Variants in ADCY9 observed in about 807,000 individuals in gnomAD.
ADCY9 encodes adenylate cyclase 9, also known as adenylate cyclase type 9.
In ADCY9, 50 loss-of-function variants were observed where a neutral mutation model predicts 101.5. The observed-to-expected ratio is 0.49, with a 90% confidence interval of 0.39 to 0.62. The LOEUF is 0.62. Among genes scored for constraint, ADCY9 ranks in the 20% least tolerant of loss-of-function variants. The pLI, the probability that ADCY9 is intolerant of heterozygous loss-of-function variation, is 0.00. For missense variants in ADCY9, 1,662 were observed against 1,800.4 expected, an observed-to-expected ratio of 0.92 and a Z score of 1.39; for synonymous variants, 905 against 769.3, an observed-to-expected ratio of 1.18 and a Z score of -2.92.
intron 2 of ADCY9, among the ~76,000 whole-genome samples, chr16:4,058,746 T>A (rs1031973642): frequency 6.6e-6 from 1 of 152,142 alleles, no homozygotes; most frequent in African/African-American, 2.4e-5. Flanking sequence ...GCAGCGGAAC[T>A]GAGTCCACCG....
chr16:4,007,316 C>A (rs2056372830), intron 3 of ADCY9, 52 bp downstream of exon 3: 1 of 1,448,926 alleles, frequency 6.9e-7, no homozygotes, highest in Non-Finnish European at 9.1e-7. Flanking sequence ...TGCTCTACTG[C>A]AGAATTAATA....
chr16:4,002,845 G>A (rs1263213054), intron 3 of ADCY9, among the ~76,000 whole-genome samples: 1 of 152,250 alleles, frequency 6.6e-6, no homozygotes, highest in East Asian at 1.9e-4. Context: ...CTCCTGAGTG[G>A]CTTAGGACTA....
chr16:3,953,658 T>A (rs988517248), intron 5 of ADCY9: 3 of 152,132 alleles, frequency 2.0e-5, no homozygotes, highest in Non-Finnish European at 4.4e-5. Context: ...CTTTAACACC[T>A]GTGGATTTCC....
At position 4,067,475 on chromosome 16, in the gene ADCY9, A is replaced by G. The variant is rs545369321; in HGVS notation, c.1693+46275T>C. Among the ~76,000 whole-genome samples the G allele has an allele frequency of 6.0e-4, 92 of 152,254 alleles. 1 individual carries two copies. The South Asian group carries it at 0.019, about 31-fold the overall frequency. ...CACCACAACTCCACTCCAGACCAAG[A>G]TGGGTCTGGGTCAAACCCAGGACTT... On this transcript the variant is annotated intron_variant, in intron 2 of 10. Transcript: ENST00000294016.
chr16:4,078,798 A>G (rs2056884402), intron 2 of ADCY9, among the ~76,000 whole-genome samples: 1 of 152,192 alleles, frequency 6.6e-6, no homozygotes, highest in Admixed American at 6.5e-5. Context: ...TATGGAAGAC[A>G]AAGATTTAAG....
rs139835983 is a variant in ADCY9, at chr16:4,114,555, G to A, written c.888C>T (p.Val296=). 15 of 1,613,988 alleles carry A rather than the reference G, an allele frequency of 9.3e-6. No individual in the cohort carries two copies. Among genetic ancestry groups the A allele is most frequent in the Non-Finnish European group, 1.3e-5 (15 of 1,180,038 alleles). Residue 296 remains valine (V), a synonymous_variant, in exon 2 of 11, where the codon GTC becomes GTT. Transcript: ENST00000294016. The surrounding 1 kb of genome is among the most constrained non-coding windows in gnomAD (Gnocchi z 4.3). ...TCACCTGGGACATGACGAACAGGTGGACCCCGATGGCGTGGATGCAGCCGT... is the reference window on the plus strand; with the variant it reads ...TCACCTGGGACATGACGAACAGGTGAACCCCGATGGCGTGGATGCAGCCGT... ...LLHGCIHAIG[V]HLFVMSQVRS...
chr16:3,971,245 C>G (rs1235151339), intron 10 of ADCY9, among the ~76,000 whole-genome samples: 1 of 152,130 alleles, frequency 6.6e-6, no homozygotes, highest in Non-Finnish European at 1.5e-5. Flanking sequence ...AAGCCCATCC[C>G]GTGTGACTCT....
intron 3 of ADCY9, among the ~76,000 whole-genome samples, 173 bp from the exon 4 acceptor site, chr16:3,993,683 A>C (rs1316568169): frequency 6.6e-6 from 1 of 152,206 alleles, no homozygotes; most frequent in Non-Finnish European, 1.5e-5. Flanking sequence ...GTGACAGTGG[A>C]AACACACAGA....
rs779438858 is a variant in ADCY9, at chr16:3,989,054, G to A, written c.2250C>T (p.Phe750=). 5 of 1,614,054 alleles carry A rather than the reference G, an allele frequency of 3.1e-6. No individual in the cohort carries two copies. Among genetic ancestry groups the A allele is most frequent in the Non-Finnish European group, 4.2e-6 (5 of 1,180,014 alleles). The change falls in exon 6 of 11, where the codon TTC becomes TTT. Residue 750 remains phenylalanine (F), a synonymous_variant. Transcript: ENST00000294016. ...GCTCCTGATCCAGGAAGTTCAGGCT[G>A]AACTGATTAATGGGCGGCTTAAAAA... is the stretch of plus-strand genomic sequence containing the variant. The part of the protein sequence containing the change: ...DYFFKPPINQ[F]SLNFLDQELE...
intron 2 of ADCY9, among the ~76,000 whole-genome samples, chr16:4,020,395 G>C (rs1369716885): frequency 6.6e-6 from 1 of 152,102 alleles, no homozygotes; most frequent in Non-Finnish European, 1.5e-5. Flanking sequence ...ACTACTAAAA[G>C]AAAATGGGTG....
rs1352924706 is a variant in ADCY9, at chr16:3,965,916, G to C, written c.3921C>G (p.Ser1307=). The C allele has an allele frequency of 1.2e-6, 2 of 1,614,052 alleles. No individual in the cohort carries two copies. Among genetic ancestry groups the C allele is most frequent in the Non-Finnish European group, 1.7e-6 (2 of 1,180,042 alleles). Residue 1307 remains serine (S), a synonymous_variant, in exon 11 of 11, where the codon TCC becomes TCG. Transcript: ENST00000294016. The stretch of plus-strand genomic sequence containing the variant: ...CGGGCTCCTTCCACGGTCTCTTGGG[G>C]GACAGGTGGGCATCCTTGGCCTGCG... ...SSTQAKDAHL[S]PKRPWKEPVK...
At chr16:3,969,670 A>G (rs2056034512) in intron 10 of ADCY9, among the ~76,000 whole-genome samples, 2 of 137,400 alleles carry the variant, frequency 1.5e-5, no homozygotes, top group Admixed American at 1.6e-4. Context: ...GCTGGACTGC[A>G]GTGGTGCGAT....
Position 3,965,892 on chromosome 16 carries a change from G to A in ADCY9, c.3945C>T (p.Pro1315=), listed in dbSNP as rs753965030. Residue 1315 remains proline (P), a synonymous_variant, in exon 11 of 11, where the codon CCC becomes CCT. Transcript: ENST00000294016. Reference sequence around the variant, plus strand: ...ATCGACCCCTTTCTTCGGCTTTGACGGGCTCCTTCCACGGTCTCTTGGGGG... The same window carrying A: ...ATCGACCCCTTTCTTCGGCTTTGACAGGCTCCTTCCACGGTCTCTTGGGGG... ...HLSPKRPWKE[P]VKAEERGRFG... is the part of the protein sequence containing the mutation. 43 of 1,614,004 alleles carry A rather than the reference G, an allele frequency of 2.7e-5. No individual in the cohort carries two copies. The highest frequency in any genetic ancestry group is 1.6e-4 in the Middle Eastern group (1 of 6,084).
Position 4,113,330 on chromosome 16 carries a change from G to A in ADCY9, c.1693+420C>T, listed in dbSNP as rs974240783. Reference sequence around the variant, plus strand: ...AGAGGAGAAAGATTTTATTCTCCACGTTTTCGCAAAAAGGGCAGAGAGAAA... The same window carrying A: ...AGAGGAGAAAGATTTTATTCTCCACATTTTCGCAAAAAGGGCAGAGAGAAA... On this transcript the variant is annotated intron_variant, in intron 2 of 10. Coordinates refer to ENST00000294016, the MANE Select transcript of ADCY9 (RefSeq NM_001116.4). Among the ~76,000 whole-genome samples, 21 of 152,260 alleles carry A rather than the reference G, an allele frequency of 1.4e-4. No homozygotes were observed. In the Middle Eastern group the frequency reaches 0.01, roughly 74 times the overall value.
chr16:4,049,628 C>T (rs1206333477), intron 2 of ADCY9, among the ~76,000 whole-genome samples: 1 of 152,154 alleles, frequency 6.6e-6, no homozygotes, highest in East Asian at 1.9e-4. Context: ...GAGTCAAAAA[C>T]ACCACATGAA....
At chr16:4,024,907 C>T (rs11076800) in intron 2 of ADCY9, among the ~76,000 whole-genome samples, 132,437 of 152,114 alleles carry the variant, frequency 0.87, 58,431 homozygotes, top group Non-Finnish European at 0.95. Flanking sequence ...AGGAGGTGGC[C>T]ATACCATGAA....
At chr16:4,042,490 A>C (rs1567450504) in intron 2 of ADCY9, among the ~76,000 whole-genome samples, 3 of 152,204 alleles carry the variant, frequency 2.0e-5, no homozygotes, top group East Asian at 1.9e-4. Flanking sequence ...CTGAAAAATC[A>C]GTTTTTACAC....
chr16:3,973,209 T>A (rs1199067869), intron 10 of ADCY9, among the ~76,000 whole-genome samples: 1 of 152,044 alleles, frequency 6.6e-6, no homozygotes, highest in Non-Finnish European at 1.5e-5. Flanking sequence ...ATCTTTTTTT[T>A]ATTTTATTTT....
intron 2 of ADCY9, among the ~76,000 whole-genome samples, chr16:4,022,381 C>A (rs1262236314): frequency 6.6e-6 from 1 of 151,050 alleles, no homozygotes; most frequent in Non-Finnish European, 1.5e-5. Flanking sequence ...ATCACAGTTC[C>A]TCAGGAGGCT....
Sources: allele counts gnomAD v4.1 joint callset (sites outside exome capture counted in the v4.1 genomes callset), GRCh38; gene constraint gnomAD v4.1.1; non-coding constraint Gnocchi (gnomAD v3.1); transcripts MANE v1.5; gene names NCBI Gene and HGNC (gene_info 2026-07-23, HGNC 2026-07-21).